CDH12: variants seen among roughly 807,000 people sequenced by gnomAD.
CDH12 encodes cadherin 12, also known as cadherin-12.
Under a neutral mutation model 74.1 loss-of-function variants are expected in CDH12, and 41 were observed. That is an observed-to-expected ratio of 0.55 (90% CI 0.43 to 0.72). CDH12 has a LOEUF of 0.72. Ranked by LOEUF, CDH12 falls within the 30% of genes least tolerant of loss-of-function variation. CDH12 has a pLI of 0.00. For missense variants in CDH12, 945 were observed against 977.2 expected (o/e 0.97, Z 0.44); for synonymous variants, 399 against 355.0 (o/e 1.12, Z -1.39).
intron 4 of CDH12, among the ~76,000 whole-genome samples, chr5:22,186,372 C>T (rs1749947487): frequency 6.6e-6 from 1 of 152,150 alleles, no homozygotes; most frequent in African/African-American, 2.4e-5. Flanking sequence ...TATAGTCAAG[C>T]TGTGCCAAAT....
intron 6 of CDH12, among the ~76,000 whole-genome samples, chr5:21,931,526 A>G (rs1246308678): frequency 6.6e-6 from 1 of 152,200 alleles, no homozygotes; most frequent in Non-Finnish European, 1.5e-5. Flanking sequence ...CTCCTGAAAA[A>G]AGCAAAATGT....
chr5:22,545,398 A>C (rs1411791910), intron 1 of CDH12, among the ~76,000 whole-genome samples: 1 of 152,198 alleles, frequency 6.6e-6, no homozygotes, highest in Non-Finnish European at 1.5e-5. Flanking sequence ...AATTGTTTAA[A>C]ATTGTGTGAC....
chr5:22,366,359 A>G (rs1229823880), intron 3 of CDH12, among the ~76,000 whole-genome samples: 2 of 151,964 alleles, frequency 1.3e-5, no homozygotes, highest in Non-Finnish European at 1.5e-5. Context: ...ATATTGCTTT[A>G]TATATAGATA....
Position 21,765,556 on chromosome 5 carries a change from A to G in CDH12, c.1394-457T>C, listed in dbSNP as rs866506974. On this transcript the variant is annotated intron_variant, in intron 11 of 14. Coordinates refer to ENST00000382254, the MANE Select transcript of CDH12 (RefSeq NM_004061.5). ...AGAACTATAACAAAAAAAAAAAAAAAGGGGAAAGAAGGCTCTTTATAAATG... is the reference window on the plus strand; with the variant it reads ...AGAACTATAACAAAAAAAAAAAAAAGGGGGAAAGAAGGCTCTTTATAAATG... 4.3e-3 allele frequency among the ~76,000 whole-genome samples: 644 copies of G among 150,860 alleles called. 3 individuals are homozygous for G. The highest frequency in any genetic ancestry group is 0.013 in the African/African-American group (537 of 41,100).
intron 10 of CDH12, among the ~76,000 whole-genome samples, chr5:21,790,587 C>G (rs761855909): frequency 7.2e-5 from 11 of 152,018 alleles, no homozygotes; most frequent in South Asian, 4.1e-4. Flanking sequence ...AATATCTATT[C>G]TCCTTATGTT....
chr5:22,045,270 T>G (rs1051088780), intron 5 of CDH12, among the ~76,000 whole-genome samples: 1 of 152,178 alleles, frequency 6.6e-6, no homozygotes, highest in African/African-American at 2.4e-5. Flanking sequence ...CAATGGCTAT[T>G]ATCAAAAAGA....
At chr5:22,413,828 T>C (rs1002069709) in intron 2 of CDH12, among the ~76,000 whole-genome samples, 1 of 152,048 alleles carries the variant, frequency 6.6e-6, no homozygotes, top group Non-Finnish European at 1.5e-5. Flanking sequence ...TTTTAATAAC[T>C]TAATGTCACT....
chr5:22,212,038 CCT>C (rs1484483872), intron 4 of CDH12, among the ~76,000 whole-genome samples: 5 of 150,818 alleles, frequency 3.3e-5, no homozygotes, highest in African/African-American at 1.2e-4. Flanking sequence ...AGTCCTAAAT[CCT>C]TAAACCAAAA....
At chr5:22,472,096 C>G (rs1745982174) in intron 2 of CDH12, among the ~76,000 whole-genome samples, 1 of 152,070 alleles carries the variant, frequency 6.6e-6, no homozygotes. Context: ...ACTGATATGT[C>G]AAGGGTGGAA....
intron 6 of CDH12, among the ~76,000 whole-genome samples, chr5:21,898,522 G>A (rs1263905735): frequency 6.6e-6 from 1 of 152,070 alleles, no homozygotes; most frequent in East Asian, 1.9e-4. Flanking sequence ...CTGACACGGT[G>A]AAACCCCGTC....
At chr5:21,753,393 G>C (rs532758074) in intron 14 of CDH12, among the ~76,000 whole-genome samples, 4 of 152,262 alleles carry the variant, frequency 2.6e-5, no homozygotes, top group African/African-American at 7.2e-5. Context: ...TCAGAACAAA[G>C]GACATGATTG....
intron 3 of CDH12, among the ~76,000 whole-genome samples, chr5:22,296,949 A>C (rs1737651665): frequency 1.3e-5 from 2 of 152,080 alleles, no homozygotes; most frequent in African/African-American, 4.8e-5. Flanking sequence ...TTTTGAAAAG[A>C]AAACAGTTAT....
intron 4 of CDH12, among the ~76,000 whole-genome samples, chr5:22,191,358 AT>A (rs1750264163): frequency 6.6e-6 from 1 of 151,894 alleles, no homozygotes; most frequent in Non-Finnish European, 1.5e-5. Context: ...TTTTTTGTTA[AT>A]CATTTCAGCT....
At chr5:22,448,782 T>C (rs1021387236) in intron 2 of CDH12, among the ~76,000 whole-genome samples, 2 of 152,152 alleles carry the variant, frequency 1.3e-5, no homozygotes, top group East Asian at 3.9e-4. Flanking sequence ...ACTATTTTTT[T>C]CTAGATACTT....
In CDH12 at chr5:21,935,911, C is replaced by A. The variant is rs549120636; in HGVS notation, c.526+39180G>T. On this transcript the variant is annotated intron_variant, in intron 6 of 14. Coordinates refer to ENST00000382254, the MANE Select transcript of CDH12 (RefSeq NM_004061.5). The stretch of plus-strand genomic sequence containing the variant: ...ACCTCCAGTTCTATCCACATTGTAG[C>A]AAATGACAGGAACTCATTTTTTTTT... 3.3e-5 allele frequency among the ~76,000 whole-genome samples: 5 copies of A among 152,276 alleles called. No individual in the cohort carries two copies. The East Asian group carries it at 9.7e-4, about 29-fold the overall frequency.
At chr5:22,195,881 C>T (rs560710179) in intron 4 of CDH12, among the ~76,000 whole-genome samples, 15 of 152,148 alleles carry the variant, frequency 9.9e-5, no homozygotes, top group African/African-American at 3.6e-4. Context: ...GGCATCTCTC[C>T]TCCCTCTCTT....
chr5:22,255,929 T>G (rs957619497), intron 3 of CDH12, among the ~76,000 whole-genome samples: 11 of 152,098 alleles, frequency 7.2e-5, no homozygotes, highest in African/African-American at 2.7e-4. Flanking sequence ...TTCTTGCATT[T>G]CATTACCTGA....
intron 4 of CDH12, among the ~76,000 whole-genome samples, chr5:22,153,872 G>GTATATATATA (rs369725207): frequency 4.0e-5 from 5 of 123,486 alleles, no homozygotes; most frequent in Middle Eastern, 7.8e-3. Flanking sequence ...ATATATATAT[G>GTATATATATA]TATATATATA....
intron 1 of CDH12, among the ~76,000 whole-genome samples, chr5:22,732,442 A>G (rs1206567535): frequency 7.0e-6 from 1 of 143,586 alleles, no homozygotes; most frequent in Non-Finnish European, 1.5e-5. Context: ...ATATATACAT[A>G]TGTGAATGTG....
Sources: allele counts gnomAD v4.1 joint callset (sites outside exome capture counted in the v4.1 genomes callset), GRCh38; gene constraint gnomAD v4.1.1; transcripts MANE v1.5; gene names NCBI Gene and HGNC (gene_info 2026-07-23, HGNC 2026-07-21).